Variants in UHRF1 observed in about 807,000 individuals in gnomAD.
UHRF1 encodes E3 ubiquitin-protein ligase UHRF1.
In UHRF1, 9 loss-of-function variants were observed where a neutral mutation model predicts 96.5. The observed-to-expected ratio is 0.09, with a 90% CI of 0.06 to 0.16. The LOEUF (loss-of-function observed/expected upper bound fraction) is 0.16. Among genes scored for constraint, UHRF1 ranks in the 10% least tolerant of loss-of-function variants. The pLI, the probability that UHRF1 is intolerant of heterozygous loss-of-function variation, is 1.00. For synonymous variants in UHRF1, 455 were observed against 469.9 expected (o/e 0.97, Z 0.41); for missense variants, 626 against 1,131.1 (o/e 0.55, Z 6.40).
rs766770536 is a variant in UHRF1 at position 4,944,411 on chromosome 19, G to C, written c.1266G>C (p.Pro422=). The change falls in exon 9 of 17, where the codon CCG becomes CCC. Residue 422 remains proline, a synonymous_variant. Transcript: ENST00000650932. Reference sequence around the variant, plus strand: ...CGTCCAACCACTACGGACCCATCCCGGGGATCCCCGTGGGCACCATGTGGC... The same window carrying C: ...CGTCCAACCACTACGGACCCATCCCCGGGATCCCCGTGGGCACCATGTGGC... The part of the protein sequence containing the change: ...IVPSNHYGPI[P]GIPVGTMWRF... The C allele has an allele frequency of 6.2e-7, 1 of 1,614,016 alleles. No individual in the cohort carries two copies. Among genetic ancestry groups the C allele is most frequent in the East Asian group, 2.2e-5 (1 of 44,880 alleles).
chr19:4,926,715 C>T (rs1011995498), intron 2 of UHRF1, among the ~76,000 whole-genome samples: 3 of 151,136 alleles, frequency 2.0e-5, no homozygotes, highest in Non-Finnish European at 2.9e-5. Context: ...CAGTGAGCTA[C>T]GATTGCACCA....
At chr19:4,927,821 C>T (rs781736086) in intron 2 of UHRF1, among the ~76,000 whole-genome samples, 3 of 152,192 alleles carry the variant, frequency 2.0e-5, no homozygotes, top group Non-Finnish European at 4.4e-5. Flanking sequence ...GCCCTAATGT[C>T]AGCCATGCTT....
chr19:4,938,540 T>A (rs1365215676), intron 5 of UHRF1, among the ~76,000 whole-genome samples: 1 of 151,862 alleles, frequency 6.6e-6, no homozygotes, highest in Non-Finnish European at 1.5e-5. Flanking sequence ...TTTGTTTGTT[T>A]GTTTTGAGAC....
chr19:4,953,031 G>C (rs375677509), intron 13 of UHRF1, among the ~76,000 whole-genome samples: 2 of 152,124 alleles, frequency 1.3e-5, no homozygotes, highest in East Asian at 3.8e-4. Context: ...CATGGAAATC[G>C]TAAAGACAAC....
chr19:4,959,423 C>T (rs1281968386), intron 16 of UHRF1, among the ~76,000 whole-genome samples: 1 of 152,218 alleles, frequency 6.6e-6, no homozygotes, highest in Non-Finnish European at 1.5e-5. Context: ...TCACCGCCCT[C>T]GCCCAGCTGT....
At chr19:4,932,657 G>C in intron 4 of UHRF1, 84 bp from the exon 5 acceptor site, 1 of 1,478,282 alleles carries the variant, frequency 6.8e-7, no homozygotes, top group Non-Finnish European at 9.3e-7. Flanking sequence ...TGTCGGGAGG[G>C]GCCGTCCCAC....
intron 16 of UHRF1, among the ~76,000 whole-genome samples, chr19:4,957,402 G>A (rs962113111): frequency 7.4e-5 from 11 of 148,294 alleles, no homozygotes; most frequent in African/African-American, 2.5e-4. Flanking sequence ...TCTGCCTCCC[G>A]GGTTCACGCC....
At chr19:4,922,734 G>A (rs2032742413) in intron 2 of UHRF1, among the ~76,000 whole-genome samples, 1 of 152,222 alleles carries the variant, frequency 6.6e-6, no homozygotes, top group African/African-American at 2.4e-5. Context: ...GCATCAGGAG[G>A]CTGCCCAGCC....
In UHRF1 at chr19:4,944,354, T is replaced by C. The variant is rs761099082; in HGVS notation, c.1209T>C (p.Cys403=). 5.0e-6 allele frequency: 8 copies of C among 1,613,904 alleles called. No individual in the cohort carries two copies. In the South Asian group the frequency reaches 7.7e-5, roughly 16 times the overall value. Residue 403 remains cysteine, a synonymous_variant, in exon 9 of 17, where the codon TGT becomes TGC. Coordinates refer to ENST00000650932, the MANE Select transcript of UHRF1 (RefSeq NM_001048201.3). The part of the protein sequence containing the change: ...SQRDWGKGMA[C]VGRTKECTIV... The stretch of plus-strand genomic sequence containing the variant: ...TGTGCCTGGGACAGGGCATGGCCTG[T>C]GTGGGCCGCACCAAGGAATGTACCA...
chr19:4,917,111 G>GTT (rs59815341), intron 2 of UHRF1, among the ~76,000 whole-genome samples: 13 of 77,208 alleles, frequency 1.7e-4, no homozygotes, highest in African/African-American at 2.5e-4. Flanking sequence ...TTAAGTTTTC[G>GTT]TTTTTTTTTT....
intron 7 of UHRF1, among the ~76,000 whole-genome samples, chr19:4,942,132 G>A (rs1235212522): frequency 3.9e-5 from 6 of 152,146 alleles, no homozygotes; most frequent in African/African-American, 4.8e-5. Context: ...CCTGGGGGAC[G>A]TAGAGACTCT....
intron 7 of UHRF1, among the ~76,000 whole-genome samples, chr19:4,943,021 C>T (rs777505286): frequency 2.0e-5 from 3 of 151,608 alleles, no homozygotes; most frequent in Non-Finnish European, 4.4e-5. Flanking sequence ...GGGTGGATCA[C>T]GAGGTCAGGA....
At chr19:4,929,886 G>A (rs1045221464) in intron 3 of UHRF1, among the ~76,000 whole-genome samples, 1 of 152,008 alleles carries the variant, frequency 6.6e-6, no homozygotes, top group African/African-American at 2.4e-5. Context: ...CTGTAGCCTC[G>A]AACTCCTGGG....
At chr19:4,903,941 G>A (rs536931676) in intron 1 of UHRF1, among the ~76,000 whole-genome samples, 4 of 152,170 alleles carry the variant, frequency 2.6e-5, no homozygotes, top group South Asian at 2.1e-4. Context: ...TCTGAACATC[G>A]ACACCATCAG....
chr19:4,959,460 C>T (rs1476243719), intron 16 of UHRF1, among the ~76,000 whole-genome samples: 1 of 152,174 alleles, frequency 6.6e-6, no homozygotes, highest in Non-Finnish European at 1.5e-5. Context: ...GACATGTGCC[C>T]CCTGCGTAGG....
At chr19:4,916,868 TC>T (rs965955725) in intron 2 of UHRF1, among the ~76,000 whole-genome samples, 2 of 152,158 alleles carry the variant, frequency 1.3e-5, no homozygotes, top group African/African-American at 4.8e-5. Context: ...CACTCTCTCT[TC>T]CGGCTGGAGG....
Position 4,940,359 on chromosome 19 carries a change from A to ATTTTTTTTTT in UHRF1, c.786-1154_786-1145dup, listed in dbSNP as rs543779456. Among the ~76,000 whole-genome samples, 38 of 67,064 alleles carry ATTTTTTTTTT rather than the reference A, an allele frequency of 5.7e-4. 1 individual carries two copies. The highest frequency in any genetic ancestry group is 1.2e-3 in the East Asian group (2 of 1,672). 44.0% of individuals were successfully genotyped at this position (67,064 alleles called of 152,430 possible). Reference sequence around the variant, plus strand: ...CATTGGATCAAGCGTTGCCTTTATGATTTTTTTTTTTTTTTTTTTTTTTTG... The same window carrying ATTTTTTTTTT: ...CATTGGATCAAGCGTTGCCTTTATGATTTTTTTTTTTTTTTTTTTTTTTTTTTTTTTTTTG... On this transcript the variant is annotated intron_variant, in intron 5 of 16. Transcript: ENST00000650932.
intron 2 of UHRF1, among the ~76,000 whole-genome samples, chr19:4,916,841 C>T (rs759878000): frequency 9.9e-5 from 15 of 152,214 alleles, no homozygotes; most frequent in Non-Finnish European, 1.9e-4. Flanking sequence ...CCCCAGGTCC[C>T]GTCAGGCCCC....
upstream of UHRF1, among the ~76,000 whole-genome samples, chr19:4,905,540 G>A (rs1339859765): frequency 6.6e-6 from 1 of 150,428 alleles, no homozygotes; most frequent in Non-Finnish European, 1.5e-5. Flanking sequence ...TTTTTGAGAT[G>A]GAGTTTTGCT....
Sources: gnomAD v4.1 joint callset for allele counts (sites outside exome capture counted in the v4.1 genomes callset) on GRCh38, gnomAD v4.1.1 for gene constraint, MANE v1.5 for transcripts, NCBI Gene and HGNC (gene_info 2026-07-23, HGNC 2026-07-21) for gene names.